The following HERC1 variants were observed in gnomAD, a reference collection of about 807,000 sequenced individuals.
HERC1 encodes probable E3 ubiquitin-protein ligase HERC1.
HERC1 carries 160 observed loss-of-function variants against 554.3 expected under a neutral mutation model. That is an observed-to-expected ratio of 0.29 (90% CI 0.25 to 0.33). HERC1 has a LOEUF of 0.33. Among genes scored for constraint, HERC1 ranks in the 10% least tolerant of loss-of-function variants. The pLI is 1.00. For missense variants in HERC1, 4,919 were observed against 5,918.5 expected (o/e 0.83, Z 5.54); for synonymous variants, 2,175 against 2,131.7 (o/e 1.02, Z -0.56).
At position 63,754,208 on chromosome 15, in the gene HERC1, AT is replaced by A. The variant is rs1368620588; in HGVS notation, c.1774+296del. ...AAAACTATTAGAGTAAAACATATATATGTCAAAACATATATAAACTTATATA... is the reference window on the plus strand; with the variant it reads ...AAAACTATTAGAGTAAAACATATATAGTCAAAACATATATAAACTTATATA... On this transcript the variant is annotated intron_variant, in intron 7 of 77. Transcript: ENST00000443617. Among the ~76,000 whole-genome samples, 8 of 152,142 alleles carry A rather than the reference AT, an allele frequency of 5.3e-5. No individual in the cohort carries two copies. In the East Asian group the frequency reaches 7.7e-4, roughly 15 times the overall value.
chr15:63,677,740 A>G lies in HERC1; in HGVS notation c.7070+105T>C. 6.7e-7 allele frequency: 1 copy of G among 1,492,786 alleles called. No homozygotes were observed. Among genetic ancestry groups the G allele is most frequent in the Admixed American group, 2.3e-5 (1 of 43,412 alleles). The allele number at this position is 1,492,786 out of a possible 1,614,324, so 92.5% of individuals were successfully genotyped here. A position where few individuals can be genotyped will look rare whatever the true frequency, so the allele number is the denominator to read the frequency against. ...TGCATGAGAAATATTTTTAAAAGTT[A>G]ACTGGCAGCTCACCTAAAATACATA... On this transcript the variant is annotated intron_variant, in intron 37 of 77. Coordinates refer to ENST00000443617, the MANE Select transcript of HERC1 (RefSeq NM_003922.4). The surrounding 1 kb of genome is among the most constrained non-coding windows in gnomAD (Gnocchi z 4.4).
At position 63,686,449 on chromosome 15, in the gene HERC1, C is replaced by T. The variant is rs1473088560; in HGVS notation, c.6135G>A (p.Val2045=). 6.2e-7 allele frequency: 1 copy of T among 1,613,812 alleles called. No individual in the cohort carries two copies. Among genetic ancestry groups the T allele is most frequent in the Non-Finnish European group, 8.5e-7 (1 of 1,179,756 alleles). ...CGTGAGTTAAAATCTGTCCATTCTCCACTAGGCAACACTGAGCTTTCTCCG... is the reference window on the plus strand; with the variant it reads ...CGTGAGTTAAAATCTGTCCATTCTCTACTAGGCAACACTGAGCTTTCTCCG... ...FDPEKAQCCL[V]ENGQILTHGS... is the part of the protein sequence containing the mutation. The change falls in exon 34 of 78, where the codon GTG becomes GTA. Residue 2045 remains valine, a synonymous_variant. Coordinates refer to ENST00000443617, the MANE Select transcript of HERC1 (RefSeq NM_003922.4).
intron 22 of HERC1, 151 bp from the exon 23 acceptor site, chr15:63,713,816 T>G: frequency 1.8e-6 from 1 of 570,664 alleles, no homozygotes; most frequent in Admixed American, 3.2e-5. Context: ...ATAGTTAACT[T>G]AGTTAAAATT....
chr15:63,684,365 A>G (rs1033373715), intron 34 of HERC1, among the ~76,000 whole-genome samples: 3 of 152,246 alleles, frequency 2.0e-5, no homozygotes, highest in African/African-American at 7.2e-5. Context: ...GATTAGGACG[A>G]AAGATGTAGA....
In HERC1 at chr15:63,652,421, T is replaced by C; in HGVS notation, c.10411A>G (p.Asn3471Asp). 1 of 1,612,738 alleles carries C rather than the reference T, an allele frequency of 6.2e-7. No individual in the cohort carries two copies. The highest frequency in any genetic ancestry group is 1.1e-5 in the South Asian group (1 of 90,856). ...QYSLQQTCVF[N>D]RLEGDAEESL... ...CGTGATGTTAGCACTCACAATCTGT[T>C]GAACACACAGGTCTGTTGCAGTGAA... Residue 3471 changes from asparagine (N) to aspartate (D), a missense_variant, in exon 52 of 78, where the codon AAC becomes GAC. Physicochemically the swap from Asn to Asp is conservative, Grantham distance 23 (BLOSUM62 1). Around this residue, in one of 11 missense-constraint regions of HERC1, gnomAD observed 1,963 missense variants for 2,228.6 expected, o/e 0.88. Transcript: ENST00000443617.
intron 1 of HERC1, among the ~76,000 whole-genome samples, chr15:63,831,569 TATC>T: frequency 6.6e-6 from 1 of 152,338 alleles, no homozygotes; most frequent in East Asian, 1.9e-4. Flanking sequence ...ATGTCATCAT[TATC>T]ATCATTTTAA....
At chr15:63,754,448 A>T in intron 7 of HERC1, 57 bp downstream of exon 7, 2 of 1,452,182 alleles carry the variant, frequency 1.4e-6, no homozygotes, top group Non-Finnish European at 1.9e-6. Context: ...TGAAAAATAA[A>T]TTTTTAAAAA....
At chr15:63,833,499 G>A (rs2078228140) in intron 1 of HERC1, among the ~76,000 whole-genome samples, 2 of 152,104 alleles carry the variant, frequency 1.3e-5, no homozygotes, top group Non-Finnish European at 2.9e-5. Flanking sequence ...CGGGGCCGGG[G>A]CACAGACGTT....
In HERC1 at chr15:63,694,571, A is replaced by T; in HGVS notation, c.5243-22T>A. On this transcript the variant is annotated intron_variant, in intron 28 of 77. Coordinates refer to ENST00000443617, the MANE Select transcript of HERC1 (RefSeq NM_003922.4). The surrounding 1 kb of genome is among the most constrained non-coding windows in gnomAD (Gnocchi z 4.3). The stretch of plus-strand genomic sequence containing the variant: ...GCTTCTAAAAGACAAAGAGACAGTT[A>T]AGAATCTTCCTTTCAGTAAACAAAG... 6.3e-7 allele frequency: 1 copy of T among 1,590,950 alleles called. No homozygotes were observed. The highest frequency in any genetic ancestry group is 8.6e-7 in the Non-Finnish European group (1 of 1,159,468).
Position 63,608,871 on chromosome 15 carries a change from G to T in HERC1, c.*210C>A. ...TATGGAGGGAAAAACCTGACTGAGA[G>T]CACTTCGTTTTTGTTGTTTTTGTAC... On this transcript the variant is annotated 3_prime_UTR_variant, in exon 78 of 78. Transcript: ENST00000443617. 1 of 439,412 alleles carries T rather than the reference G, an allele frequency of 2.3e-6. No homozygotes were observed. Among genetic ancestry groups the T allele is most frequent in the Non-Finnish European group, 3.9e-6 (1 of 255,538 alleles). 27.2% of individuals were successfully genotyped at this position (439,412 alleles called of 1,614,324 possible).
chr15:63,772,641 G>A (rs1456501446), intron 2 of HERC1, among the ~76,000 whole-genome samples: 1 of 151,940 alleles, frequency 6.6e-6, no homozygotes, highest in African/African-American at 2.4e-5. Context: ...GTGCAAATGA[G>A]AGGATTTGAA....
At chr15:63,716,514 C>G in intron 21 of HERC1, 41 bp from the exon 22 acceptor site, 1 of 1,487,346 alleles carries the variant, frequency 6.7e-7, no homozygotes, top group Non-Finnish European at 9.0e-7. Flanking sequence ...TACATTTTTT[C>G]CAAAATCTTT....
At chr15:63,705,108 A>C (rs1480727405) in intron 25 of HERC1, among the ~76,000 whole-genome samples, 2 of 151,918 alleles carry the variant, frequency 1.3e-5, no homozygotes, top group East Asian at 3.9e-4. Context: ...CTCGATAAAG[A>C]AAGCTCTGGT....
chr15:63,669,410 G>T, intron 40 of HERC1, 128 bp downstream of exon 40: 1 of 832,346 alleles, frequency 1.2e-6, no homozygotes, highest in Non-Finnish European at 2.0e-6. Flanking sequence ...CAGTTTAATG[G>T]GGCAGTTCCC....
chr15:63,655,504 A>C (rs2069980569), intron 50 of HERC1, among the ~76,000 whole-genome samples: 1 of 130,064 alleles, frequency 7.7e-6, no homozygotes, highest in Non-Finnish European at 1.7e-5. Context: ...TTATTAAAGA[A>C]ACCTACCAGG....
At chr15:63,689,791 C>T (rs972139128) in intron 32 of HERC1, 92 bp from the exon 33 acceptor site, 2 of 675,050 alleles carry the variant, frequency 3.0e-6, no homozygotes, top group East Asian at 5.7e-5. Context: ...AATATTAACT[C>T]GCATGCGAAG....
intron 19 of HERC1, among the ~76,000 whole-genome samples, chr15:63,720,548 G>T (rs994733997): frequency 6.6e-5 from 10 of 152,058 alleles, no homozygotes; most frequent in African/African-American, 2.4e-4. Context: ...AATGTTATAT[G>T]CTGGTTTTCA....
chr15:63,746,943 G>A lies in HERC1; in HGVS notation c.2495C>T (p.Ser832Leu). 6.4e-7 allele frequency: 1 copy of A among 1,552,600 alleles called. No homozygotes were observed. The highest frequency in any genetic ancestry group is 8.7e-7 in the Non-Finnish European group (1 of 1,147,482). Residue 832 changes from serine to leucine, a missense_variant, in exon 12 of 78, where the codon TCA (serine) becomes TTA (leucine). Physicochemically the swap from Ser to Leu is moderately radical, Grantham distance 145. This residue lies in a region of HERC1 where 744 missense variants were observed against 1,090.0 expected (regional missense o/e 0.68). Transcript: ENST00000443617. ...CTCTTGGATTTCATCTGGGACAGTT[G>A]AGTCCATCAGTCTGAAGAGCAAATT... ...LRNLLFRLMD[S>L]TVPDEIQEVV...
rs774520641 is a variant in HERC1, at chr15:63,645,526, G to A, written c.11035C>T (p.Arg3679Cys). The A allele has an allele frequency of 2.4e-5, 38 of 1,612,178 alleles. No individual in the cohort carries two copies. Among genetic ancestry groups the A allele is most frequent in the Middle Eastern group, 1.7e-4 (1 of 6,054 alleles). ...AACTTGGATCCTTTCCCTGGAAGGC[G>A]GCACCAAGCAATGCCATTTACAATA... ...PSIVNGIAWC[R>C]LPGKGSKLQL... The change falls in exon 56 of 78, where the codon CGC (arginine) becomes TGC (cysteine). Residue 3679 changes from arginine (R) to cysteine (C), a missense_variant. Transcript: ENST00000443617.
Sources: allele counts gnomAD v4.1 joint callset (sites outside exome capture counted in the v4.1 genomes callset), GRCh38; gene constraint gnomAD v4.1.1; regional missense constraint gnomAD v4.1.1; non-coding constraint Gnocchi (gnomAD v3.1); transcripts MANE v1.5; gene names NCBI Gene and HGNC (gene_info 2026-07-23, HGNC 2026-07-21).